The following BABAM2 variants were observed in gnomAD, a reference collection of about 807,000 sequenced individuals.
The protein encoded by BABAM2 is BRISC and BRCA1-A complex member 2.
Under a neutral mutation model 54.7 loss-of-function variants are expected in BABAM2, and 31 were observed. The ratio of observed to expected loss-of-function variants is 0.57; its 90% CI spans 0.43 to 0.77. The LOEUF is 0.77. Among genes scored for constraint, BABAM2 ranks in the 30% least tolerant of loss-of-function variants. BABAM2 has a pLI of 0.00. For missense variants in BABAM2, 364 were observed against 455.8 expected, an observed-to-expected ratio of 0.80 and a Z score of 1.83; for synonymous variants, 167 against 162.9, an observed-to-expected ratio of 1.03 and a Z score of -0.19.
Position 28,040,482 on chromosome 2 carries a change from A to G in BABAM2, c.496-5243A>G, listed in dbSNP as rs368362687. On this transcript the variant is annotated intron_variant, in intron 5 of 11. Transcript: ENST00000379624. ...CGCCCGGCTAATTTTTTGTATTTTT[A>G]GTAGAGACGGGGTTTCACCGTTTTA... 1.2e-4 allele frequency among the ~76,000 whole-genome samples: 18 copies of G among 150,894 alleles called. 1 individual carries two copies. The highest frequency in any genetic ancestry group is 4.4e-4 in the African/African-American group (18 of 41,172).
At chr2:28,177,201 CAA>C (rs1204191356) in intron 7 of BABAM2, among the ~76,000 whole-genome samples, 2 of 150,908 alleles carry the variant, frequency 1.3e-5, no homozygotes, top group Non-Finnish European at 2.9e-5. Flanking sequence ...ATCAGACTAA[CAA>C]GAGATTTCTC....
At position 28,241,391 on chromosome 2, in the gene BABAM2, C is replaced by T. The variant is rs564570842; in HGVS notation, c.849C>T (p.Gly283=). 6.2e-7 allele frequency: 1 copy of T among 1,613,726 alleles called. No individual in the cohort carries two copies. The highest frequency in any genetic ancestry group is 1.3e-5 in the African/African-American group (1 of 75,038). The change falls in exon 9 of 12, where the codon GGC becomes GGT. Residue 283 remains glycine, a splice_region_variant and synonymous_variant. Coordinates refer to ENST00000379624, the MANE Select transcript of BABAM2 (RefSeq NM_199191.3). ...EYIAAFLSHF[G]TGVVEYDAEG... ...TTGCTGCTTTTCTCAGTCACTTTGG[C>T]ACGTAAGTTCTGCCCTGTTTGAACG...
intron 10 of BABAM2, among the ~76,000 whole-genome samples, chr2:28,250,409 T>C (rs964030134): frequency 2.7e-5 from 4 of 149,038 alleles, no homozygotes; most frequent in African/African-American, 9.8e-5. Context: ...TTTAACATAA[T>C]TGCCTTAAGA....
chr2:28,089,891 ATT>A (rs11441890), intron 6 of BABAM2, among the ~76,000 whole-genome samples: 1 of 151,650 alleles, frequency 6.6e-6, no homozygotes, highest in Non-Finnish European at 1.5e-5. Flanking sequence ...ACTCTGTGGT[ATT>A]TTTTTTCTTT....
At chr2:28,143,221 A>C (rs541884838) in intron 7 of BABAM2, among the ~76,000 whole-genome samples, 1 of 152,278 alleles carries the variant, frequency 6.6e-6, no homozygotes, top group South Asian at 2.1e-4. Flanking sequence ...GGAAGACATT[A>C]TGCTAAGTGA....
chr2:28,112,851 T>A (rs959898776), intron 6 of BABAM2, among the ~76,000 whole-genome samples: 7 of 152,216 alleles, frequency 4.6e-5, no homozygotes, highest in Non-Finnish European at 8.8e-5. Context: ...TTTCTCCACA[T>A]CCTTGCCAGC....
intron 3 of BABAM2, among the ~76,000 whole-genome samples, chr2:27,942,209 A>G (rs190795145): frequency 7.9e-5 from 12 of 152,324 alleles, no homozygotes; most frequent in Admixed American, 2.6e-4. Context: ...ACAGAAACTG[A>G]TAACCAAACT....
intron 7 of BABAM2, among the ~76,000 whole-genome samples, chr2:28,132,453 C>A (rs373877337): frequency 1.3e-5 from 2 of 151,976 alleles, no homozygotes; most frequent in African/African-American, 4.8e-5. Context: ...TTCTTTCTTA[C>A]GTTAAGAGCT....
chr2:27,892,833 C>T (rs1424083338), intron 1 of BABAM2, among the ~76,000 whole-genome samples: 3 of 152,012 alleles, frequency 2.0e-5, no homozygotes, highest in Non-Finnish European at 4.4e-5. Flanking sequence ...ATCTGTTAAG[C>T]GGTCAGAAGA....
chr2:27,972,061 A>T (rs1671261523), intron 3 of BABAM2, among the ~76,000 whole-genome samples: 1 of 152,218 alleles, frequency 6.6e-6, no homozygotes, highest in Non-Finnish European at 1.5e-5. Flanking sequence ...AACATATTAC[A>T]TCTGAAGATG....
chr2:27,988,203 C>T, intron 4 of BABAM2, 116 bp downstream of exon 4: 1 of 918,316 alleles, frequency 1.1e-6, no homozygotes, highest in Non-Finnish European at 1.8e-6. Flanking sequence ...TTTCCCACCC[C>T]TCTTTTCTCT....
intron 10 of BABAM2, among the ~76,000 whole-genome samples, chr2:28,289,608 G>A (rs1687109088): frequency 6.6e-6 from 1 of 152,120 alleles, no homozygotes; most frequent in South Asian, 2.1e-4. Context: ...GGCCAACATG[G>A]TGAAACCCCA....
chr2:27,993,977 G>C (rs555051463), intron 4 of BABAM2, among the ~76,000 whole-genome samples: 6 of 152,168 alleles, frequency 3.9e-5, no homozygotes, highest in Admixed American at 2.0e-4. Flanking sequence ...CTTGAAAAAC[G>C]CTATCCCGAT....
In BABAM2 at chr2:27,929,874, A is replaced by G. The variant is rs1382729115; in HGVS notation, c.171A>G (p.Lys57=). ...LTPGPNCDRF[K]LHIPYAGETL... The stretch of plus-strand genomic sequence containing the variant: ...CTGGGCCCAACTGTGACCGATTTAA[A>G]CTGCACATACCATATGCTGGAGAGA... Residue 57 remains lysine, a synonymous_variant, in exon 3 of 12, where the codon AAA becomes AAG. Coordinates refer to ENST00000379624, the MANE Select transcript of BABAM2 (RefSeq NM_199191.3). 1 of 1,613,716 alleles carries G rather than the reference A, an allele frequency of 6.2e-7. No individual in the cohort carries two copies. The highest frequency in any genetic ancestry group is 1.1e-5 in the South Asian group (1 of 91,084).
At chr2:28,052,287 CTTT>C (rs540993353) in intron 6 of BABAM2, among the ~76,000 whole-genome samples, 2 of 134,894 alleles carry the variant, frequency 1.5e-5, no homozygotes. Context: ...TTTTTTTTTG[CTTT>C]TTTTTTTTTT....
At chr2:28,129,132 G>C in intron 6 of BABAM2, 139 bp from the exon 7 acceptor site, 1 of 752,762 alleles carries the variant, frequency 1.3e-6, no homozygotes, top group Non-Finnish European at 2.3e-6. Flanking sequence ...TGTGTGGAAA[G>C]GATGTGCAAA....
In BABAM2 at chr2:28,033,371, G is replaced by T. The variant is rs150261090; in HGVS notation, c.495+7951G>T. Among the ~76,000 whole-genome samples the T allele has an allele frequency of 6.6e-5, 10 of 152,160 alleles. No individual in the cohort carries two copies. In the East Asian group the frequency reaches 1.7e-3, roughly 26 times the overall value. On this transcript the variant is annotated intron_variant, in intron 5 of 11. Transcript: ENST00000379624. Reference sequence around the variant, plus strand: ...CGAAACTAATAACTTATAAAGAAAAGGAATTTATTCCTTACAGTTATAGAA... The same window carrying T: ...CGAAACTAATAACTTATAAAGAAAATGAATTTATTCCTTACAGTTATAGAA...
rs569804203 is a variant in BABAM2, at chr2:28,195,892, C to G, written c.681-41310C>G. ...TAGTTCAAACAAACCAAACACAGCA[C>G]CCATGCAATATCTCAAGGATACTGT... On this transcript the variant is annotated intron_variant, in intron 7 of 11. Transcript: ENST00000379624. Among the ~76,000 whole-genome samples, 13 of 152,294 alleles carry G rather than the reference C, an allele frequency of 8.5e-5. No homozygotes were observed. The East Asian group carries it at 2.5e-3, about 29-fold the overall frequency.
chr2:28,224,823 G>C (rs977906700), intron 7 of BABAM2, among the ~76,000 whole-genome samples: 3 of 127,704 alleles, frequency 2.3e-5, no homozygotes, highest in Admixed American at 1.7e-4. Context: ...TTGATTATGG[G>C]AGAACAAGTC....
Sources: gnomAD v4.1 joint callset for allele counts (sites outside exome capture counted in the v4.1 genomes callset) on GRCh38, gnomAD v4.1.1 for gene constraint, MANE v1.5 for transcripts, NCBI Gene and HGNC (gene_info 2026-07-23, HGNC 2026-07-21) for gene names.